Variants in NTRK3 observed in about 807,000 individuals in gnomAD.
The protein encoded by NTRK3 is NT-3 growth factor receptor.
In NTRK3, 24 loss-of-function variants were observed where a neutral mutation model predicts 91.7. That is an observed-to-expected ratio of 0.26 (90% CI 0.19 to 0.37). The LOEUF (loss-of-function observed/expected upper bound fraction) is 0.37, where lower values mean the gene tolerates loss of function less well. Among genes scored for constraint, NTRK3 ranks in the 10% least tolerant of loss-of-function variants. The pLI, the probability that NTRK3 is intolerant of heterozygous loss-of-function variation, is 1.00. For synonymous variants in NTRK3, 483 were observed against 404.0 expected (o/e 1.20, Z -2.34); for missense variants, 880 against 1,068.9 (o/e 0.82, Z 2.46).
At chr15:88,180,141 C>T (rs983607531) in intron 5 of NTRK3, among the ~76,000 whole-genome samples, 3 of 152,166 alleles carry the variant, frequency 2.0e-5, no homozygotes, top group Non-Finnish European at 4.4e-5. Flanking sequence ...TGCCTCTTAT[C>T]GTTTAATCTT....
chr15:88,131,981 T>C, intron 10 of NTRK3: 1 of 202,668 alleles, frequency 4.9e-6, no homozygotes, highest in East Asian at 7.4e-5. Context: ...ATGAAGGGAA[T>C]ACACATGTCT....
At chr15:88,058,598 C>A (rs189072181) in intron 13 of NTRK3, among the ~76,000 whole-genome samples, 19 of 152,214 alleles carry the variant, frequency 1.2e-4, no homozygotes, top group African/African-American at 4.3e-4. Flanking sequence ...AGCACCACTA[C>A]CCTCCACCAT....
At chr15:88,201,935 C>T (rs2048335736) in intron 3 of NTRK3, among the ~76,000 whole-genome samples, 1 of 152,090 alleles carries the variant, frequency 6.6e-6, no homozygotes, top group Non-Finnish European at 1.5e-5. Flanking sequence ...AATGATGTTC[C>T]AAGTCACTCT....
In NTRK3 at chr15:88,235,451, A is replaced by G. The variant is rs889154672; in HGVS notation, c.248+20455T>C. 6.6e-6 allele frequency among the ~76,000 whole-genome samples: 1 copy of G among 152,094 alleles called. No individual in the cohort carries two copies. Among genetic ancestry groups the G allele is most frequent in the Non-Finnish European group, 1.5e-5 (1 of 67,998 alleles). ...AGCAAGCAGGACTCGCAGCTAAACC[A>G]TTGTGGGAGAGAGACACAAGCCCAG... On this transcript the variant is annotated intron_variant, in intron 3 of 18. Coordinates refer to ENST00000394480, the Ensembl canonical transcript of NTRK3. This position sits in a 1 kb window ranked among gnomAD's most constrained non-coding sequence, Gnocchi z 5.2.
intron 13 of NTRK3, among the ~76,000 whole-genome samples, chr15:88,073,321 G>A (rs1013164029): frequency 2.6e-5 from 4 of 152,192 alleles, no homozygotes; most frequent in African/African-American, 9.6e-5. Context: ...GGGAAGCATG[G>A]CCTAAAACAG....
chr15:87,996,966 A>T (rs2075750609), intron 14 of NTRK3, among the ~76,000 whole-genome samples: 1 of 152,224 alleles, frequency 6.6e-6, no homozygotes, highest in East Asian at 1.9e-4. Flanking sequence ...ACAACAACAC[A>T]TTCAATGCCT....
At chr15:87,909,749 G>A (rs777280695) in intron 17 of NTRK3, among the ~76,000 whole-genome samples, 3 of 152,172 alleles carry the variant, frequency 2.0e-5, no homozygotes, top group Non-Finnish European at 2.9e-5. Flanking sequence ...TCTGTAGGGT[G>A]GGCCCTAATC....
chr15:88,005,286 C>T lies in NTRK3; in HGVS notation c.1585+27571G>A, dbSNP rs1026358088. ...TCATGAGCTTGACCCCCAGTTCATT[C>T]AGGACTTCTGATGGCCCCAGAGAAG... is the stretch of plus-strand genomic sequence containing the variant. On this transcript the variant is annotated intron_variant, in intron 14 of 18. Coordinates refer to ENST00000394480, the Ensembl canonical transcript of NTRK3. Among the ~76,000 whole-genome samples the T allele has an allele frequency of 2.0e-5, 3 of 152,140 alleles. No individual in the cohort carries two copies. In the East Asian group the frequency reaches 5.8e-4, roughly 29 times the overall value.
chr15:87,909,740 C>G (rs537908171), intron 17 of NTRK3, among the ~76,000 whole-genome samples: 2 of 152,302 alleles, frequency 1.3e-5, no homozygotes, highest in East Asian at 3.9e-4. Context: ...TCAATGGGGT[C>G]TGTAGGGTGG....
intron 10 of NTRK3, among the ~76,000 whole-genome samples, chr15:88,130,339 A>T (rs571253281): frequency 6.6e-6 from 1 of 152,364 alleles, no homozygotes; most frequent in East Asian, 1.9e-4. Flanking sequence ...AAATAGAAAA[A>T]TCACCATTTC....
rs139857591 is a variant in NTRK3 at position 87,888,462 on chromosome 15, C to T, written c.2134-8034G>A. 3.4e-3 allele frequency among the ~76,000 whole-genome samples: 515 copies of T among 152,272 alleles called. 3 individuals are homozygous for T. The highest frequency in any genetic ancestry group is 0.011 in the African/African-American group (466 of 41,554). On this transcript the variant is annotated intron_variant, in intron 17 of 18. Transcript: ENST00000394480. ...AGGTCAACTACAAACCAAGAACTTA[C>T]AGGAGAGCATCAAGTGCCTATTCCC...
chr15:88,232,232 G>C (rs543915855), intron 3 of NTRK3, among the ~76,000 whole-genome samples: 2 of 152,068 alleles, frequency 1.3e-5, no homozygotes, highest in East Asian at 3.9e-4. Context: ...CCCCTATATA[G>C]GCACCATCCT....
At chr15:88,034,317 C>T (rs1263125162) in intron 13 of NTRK3, among the ~76,000 whole-genome samples, 1 of 152,178 alleles carries the variant, frequency 6.6e-6, no homozygotes, top group East Asian at 1.9e-4. Context: ...CTTCATCAAC[C>T]CCAGTTCCAC....
chr15:88,147,552 T>A (rs2043002459), intron 5 of NTRK3, 149 bp from the exon 6 acceptor site: 2 of 591,518 alleles, frequency 3.4e-6, no homozygotes, highest in Non-Finnish European at 3.0e-6. Context: ...CTTCTTCTTC[T>A]TCATGCTGTT....
At chr15:88,076,938 A>G (rs2047601463) in intron 13 of NTRK3, among the ~76,000 whole-genome samples, 2 of 152,022 alleles carry the variant, frequency 1.3e-5, no homozygotes, top group Admixed American at 6.6e-5. Context: ...TACCAAAAAT[A>G]CAAAAAATTA....
chr15:87,984,745 C>A (rs945049636), intron 14 of NTRK3, among the ~76,000 whole-genome samples: 1 of 152,204 alleles, frequency 6.6e-6, no homozygotes, highest in Admixed American at 6.5e-5. Flanking sequence ...ATCCCCATTT[C>A]TAGCTTCCCT....
chr15:87,924,194 C>G (rs1356200846), intron 17 of NTRK3, among the ~76,000 whole-genome samples: 2 of 152,112 alleles, frequency 1.3e-5, no homozygotes, highest in African/African-American at 4.8e-5. Context: ...TGCCGAAGGT[C>G]ATACAGTCAG....
At chr15:88,081,158 C>T (rs751505032) in intron 13 of NTRK3, among the ~76,000 whole-genome samples, 11 of 152,148 alleles carry the variant, frequency 7.2e-5, no homozygotes, top group Admixed American at 1.3e-4. Context: ...CTCCCTCCTG[C>T]GTGAGTGTGC....
At chr15:87,869,683 AT>A (rs2064773996) in exon 19 of NTRK3, 1 of 199,934 alleles carries the variant, frequency 5.0e-6, no homozygotes, top group Non-Finnish European at 1.0e-5. Context: ...ATGAAAAAAA[AT>A]CTTCTTCACT....
Sources: gnomAD v4.1 joint callset for allele counts (sites outside exome capture counted in the v4.1 genomes callset) on GRCh38, gnomAD v4.1.1 for gene constraint, Gnocchi (gnomAD v3.1) non-coding constraint, MANE v1.5 for transcripts, NCBI Gene and HGNC (gene_info 2026-07-23, HGNC 2026-07-21) for gene names.